DAGLA: variants seen among roughly 807,000 people sequenced by gnomAD.
DAGLA encodes the protein diacylglycerol lipase-alpha.
DAGLA carries 22 observed loss-of-function variants against 102.6 expected under a neutral mutation model. That is an observed-to-expected ratio of 0.21 (90% confidence interval 0.15 to 0.31). DAGLA has a LOEUF of 0.31. DAGLA is among the 10% of genes least tolerant of loss of function. DAGLA has a pLI of 1.00. For missense variants in DAGLA, 927 were observed against 1,446.6 expected (o/e 0.64, Z 5.83); for synonymous variants, 578 against 628.9 (o/e 0.92, Z 1.21).
intron 1 of DAGLA, among the ~76,000 whole-genome samples, chr11:61,711,850 G>A (rs198437): frequency 0.39 from 59,724 of 152,152 alleles, 13,772 homozygotes; most frequent in Non-Finnish European, 0.51. Context: ...GAAGAGCTGA[G>A]TGGCCTTGGG....
chr11:61,720,104 T>G lies in DAGLA; in HGVS notation c.-44-8T>G. 1 of 1,591,660 alleles carries G rather than the reference T, an allele frequency of 6.3e-7. No homozygotes were observed. Among genetic ancestry groups the G allele is most frequent in the Non-Finnish European group, 8.6e-7 (1 of 1,167,438 alleles). The stretch of plus-strand genomic sequence containing the variant: ...CAGGCAGCTATAAGGTCCTCTGCTT[T>G]CTTTCAGGAGGTGAGCACCAGGCCC... On this transcript the variant is annotated splice_region_variant and splice_polypyrimidine_tract_variant and intron_variant, in intron 1 of 19. Coordinates refer to ENST00000257215, the MANE Select transcript of DAGLA (RefSeq NM_006133.3).
chr11:61,717,814 T>C (rs2065248472), intron 1 of DAGLA, among the ~76,000 whole-genome samples: 1 of 152,200 alleles, frequency 6.6e-6, no homozygotes, highest in Non-Finnish European at 1.5e-5. Context: ...GGCCTCAGGC[T>C]GGTCACCCTG....
At chr11:61,703,537 G>C (rs2065125164) in intron 1 of DAGLA, among the ~76,000 whole-genome samples, 1 of 152,228 alleles carries the variant, frequency 6.6e-6, no homozygotes, top group Non-Finnish European at 1.5e-5. Context: ...GAGAAGGCCA[G>C]GGTGCCTGGG....
In DAGLA at chr11:61,728,252, C is replaced by A. The variant is rs755679985; in HGVS notation, c.736C>A (p.Arg246=). 1 of 1,613,602 alleles carries A rather than the reference C, an allele frequency of 6.2e-7. No homozygotes were observed. The highest frequency in any genetic ancestry group is 1.7e-5 in the Admixed American group (1 of 60,022). Residue 246 remains arginine, a synonymous_variant, in exon 7 of 20, where the codon CGG becomes AGG. Transcript: ENST00000257215. ...TGCTGGCCTGGTGCTGCTCCGGCAG[C>A]GGCAGCGGGCCAAGCGCAACGCCGT... ...IIAGLVLLRQ[R]QRAKRNAVLD...
In DAGLA at chr11:61,743,950, G is replaced by A. The variant is rs1469409180; in HGVS notation, c.2590G>A (p.Gly864Ser). Residue 864 changes from glycine to serine, a missense_variant, in exon 20 of 20, where the codon GGC becomes AGC. By Grantham distance (56) the Gly-to-Ser change is moderately conservative. Coordinates refer to ENST00000257215, the MANE Select transcript of DAGLA (RefSeq NM_006133.3). ...QPLEAALGSG[G>S]VTPERPPSAA... Reference sequence around the variant, plus strand: ...CCTGGAGGCGGCCCTGGGCAGTGGCGGCGTCACTCCTGAGCGGCCCCCCAG... The same window carrying A: ...CCTGGAGGCGGCCCTGGGCAGTGGCAGCGTCACTCCTGAGCGGCCCCCCAG... 6.2e-6 allele frequency: 10 copies of A among 1,611,798 alleles called. No homozygotes were observed. The highest frequency in any genetic ancestry group is 2.2e-5 in the South Asian group (2 of 91,068).
intron 1 of DAGLA, among the ~76,000 whole-genome samples, chr11:61,706,367 G>A (rs1350734619): frequency 6.6e-6 from 1 of 152,220 alleles, no homozygotes; most frequent in African/African-American, 2.4e-5. Context: ...GGGCTGGCCA[G>A]GGCTCTGCTC....
chr11:61,719,793 A>G (rs1191537382), intron 1 of DAGLA, among the ~76,000 whole-genome samples: 1 of 152,114 alleles, frequency 6.6e-6, no homozygotes, highest in Non-Finnish European at 1.5e-5. Flanking sequence ...CACTGATCCC[A>G]TGAAGGAGGA....
chr11:61,726,144 G>T, intron 6 of DAGLA, 62 bp downstream of exon 6: 5 of 1,508,304 alleles, frequency 3.3e-6, no homozygotes, highest in Non-Finnish European at 4.6e-6. Context: ...TTAAGGGGCT[G>T]TTGGCTCCTT....
Position 61,744,558 on chromosome 11 carries a change from C to G in DAGLA, c.*69C>G, listed in dbSNP as rs2065520302. The G allele has an allele frequency of 7.4e-7, 1 of 1,356,498 alleles. No individual in the cohort carries two copies. The highest frequency in any genetic ancestry group is 1.5e-5 in the African/African-American group (1 of 68,548). The allele number at this position is 1,356,498 out of a possible 1,614,324, so 84.0% of individuals were successfully genotyped here. On this transcript the variant is annotated 3_prime_UTR_variant, in exon 20 of 20. Coordinates refer to ENST00000257215, the MANE Select transcript of DAGLA (RefSeq NM_006133.3). ...GCCCTGTGGGCACCTGGTGCCTGCC[C>G]CCTGCCGGGCAGCTTTAAGGACAGA...
intron 8 of DAGLA, among the ~76,000 whole-genome samples, chr11:61,730,316 GC>G (rs1330048449): frequency 1.3e-5 from 2 of 152,032 alleles, no homozygotes; most frequent in East Asian, 3.9e-4. Context: ...CCATCGAGGT[GC>G]CAGGGTCACA....
At chr11:61,719,950 G>T (rs1391099457) in intron 1 of DAGLA, among the ~76,000 whole-genome samples, 162 bp from the exon 2 acceptor site, 1 of 152,218 alleles carries the variant, frequency 6.6e-6, no homozygotes. Flanking sequence ...GGTCCTTTGT[G>T]TTGGCTCCTG....
chr11:61,729,034 C>G lies in DAGLA; in HGVS notation c.849+26C>G, dbSNP rs757193303. On this transcript the variant is annotated intron_variant, in intron 8 of 19. Coordinates refer to ENST00000257215, the MANE Select transcript of DAGLA (RefSeq NM_006133.3). ...GTGAGTCAGACATCAACTCTCACCC[C>G]ACCCCGTCCCCATCCCTCCCACTCT... is the stretch of plus-strand genomic sequence containing the variant. 4.4e-6 allele frequency: 7 copies of G among 1,597,880 alleles called. No individual in the cohort carries two copies. In the East Asian group the frequency reaches 6.7e-5, roughly 15 times the overall value.
chr11:61,729,474 G>A lies in DAGLA; in HGVS notation c.849+466G>A, dbSNP rs1205077656. Among the ~76,000 whole-genome samples the A allele has an allele frequency of 3.3e-5, 5 of 151,830 alleles. No individual in the cohort carries two copies. In the East Asian group the frequency reaches 9.7e-4, roughly 29 times the overall value. On this transcript the variant is annotated intron_variant, in intron 8 of 19. Coordinates refer to ENST00000257215, the MANE Select transcript of DAGLA (RefSeq NM_006133.3). ...ACCCCAGCCCAGGGCCCAGCACACAGCCCAGGGCCCAGTACAGCCCAGGGC... is the reference window on the plus strand; with the variant it reads ...ACCCCAGCCCAGGGCCCAGCACACAACCCAGGGCCCAGTACAGCCCAGGGC...
chr11:61,740,721 C>T (rs1402083797), intron 18 of DAGLA, 129 bp downstream of exon 18: 3 of 1,269,880 alleles, frequency 2.4e-6, no homozygotes, highest in South Asian at 1.4e-5. Flanking sequence ...AAGTAGGTAG[C>T]TGGGCCAGAA....
chr11:61,691,334 C>T (rs1048386815), intron 1 of DAGLA, among the ~76,000 whole-genome samples: 1 of 152,250 alleles, frequency 6.6e-6, no homozygotes, highest in Non-Finnish European at 1.5e-5. Flanking sequence ...TTGGAAATGG[C>T]AACAACAAGA....
chr11:61,731,606 G>A (rs186326081), intron 9 of DAGLA, among the ~76,000 whole-genome samples, 165 bp downstream of exon 9: 1 of 152,222 alleles, frequency 6.6e-6, no homozygotes, highest in Non-Finnish European at 1.5e-5. Context: ...GAGCAGTGAA[G>A]TTGTAGGCTT....
chr11:61,738,109 A>G lies in DAGLA; in HGVS notation c.1584-26A>G. On this transcript the variant is annotated intron_variant, in intron 15 of 19. Coordinates refer to ENST00000257215, the MANE Select transcript of DAGLA (RefSeq NM_006133.3). ...CATAGCCGCTGACCAGGCCTGGCTG[A>G]CGGCCCTGTCTCGTTCCCTCCCCAG... 2.5e-6 allele frequency: 4 copies of G among 1,602,856 alleles called. No homozygotes were observed. The South Asian group carries it at 4.4e-5, about 18-fold the overall frequency.
Position 61,737,291 on chromosome 11 carries a change from G to T in DAGLA, c.1481G>T (p.Cys494Phe). The change falls in exon 14 of 20, where the codon TGC (cysteine) becomes TTC (phenylalanine). Residue 494 changes from cysteine to phenylalanine, a missense_variant. Cys to Phe is a radical substitution (Grantham distance 205, BLOSUM62 -2). This residue lies in a region of DAGLA where 218 missense variants were observed against 459.6 expected (regional missense o/e 0.47). Transcript: ENST00000257215. ...LLRPQYPTLKCFAYSPPGGLL... is the reference protein window; with the variant it reads ...LLRPQYPTLKFFAYSPPGGLL... Reference sequence around the variant, plus strand: ...CGCCCACAGTATCCGACCCTCAAGTGCTTTGCCTACTCCCCGCCAGGGGGC... The same window carrying T: ...CGCCCACAGTATCCGACCCTCAAGTTCTTTGCCTACTCCCCGCCAGGGGGC... 6.2e-7 allele frequency: 1 copy of T among 1,612,498 alleles called. No homozygotes were observed.
intron 5 of DAGLA, 75 bp downstream of exon 5, chr11:61,723,647 A>G: frequency 6.4e-7 from 1 of 1,566,338 alleles, no homozygotes; most frequent in Non-Finnish European, 8.7e-7. Context: ...CATTCTTCAG[A>G]AGGCTACCCC....
Sources: allele counts gnomAD v4.1 joint callset (sites outside exome capture counted in the v4.1 genomes callset), GRCh38; gene constraint gnomAD v4.1.1; regional missense constraint gnomAD v4.1.1; transcripts MANE v1.5; gene names NCBI Gene and HGNC (gene_info 2026-07-23, HGNC 2026-07-21).